Variants in EPHA3 observed in about 807,000 individuals in gnomAD.
EPHA3 encodes the protein EPH receptor A3, also known as ephrin type-A receptor 3.
Under a neutral mutation model 107.1 loss-of-function variants are expected in EPHA3, and 42 were observed. That is an observed-to-expected ratio of 0.39 (90% CI 0.31 to 0.51). The LOEUF is 0.51. Among genes scored for constraint, EPHA3 ranks in the 20% least tolerant of loss-of-function variants. The pLI, the probability that EPHA3 is intolerant of heterozygous loss-of-function variation, is 0.78. For synonymous variants in EPHA3, 461 were observed against 424.8 expected (o/e 1.09, Z -1.05); for missense variants, 1,183 against 1,211.2 (o/e 0.98, Z 0.35).
chr3:89,148,025 T>C (rs1372979120), intron 2 of EPHA3, among the ~76,000 whole-genome samples: 1 of 151,770 alleles, frequency 6.6e-6, no homozygotes, highest in Non-Finnish European at 1.5e-5. Context: ...TTGGGTGTAA[T>C]GATGTTATAT....
intron 2 of EPHA3, among the ~76,000 whole-genome samples, chr3:89,135,469 GAAT>G (rs1435390805): frequency 1.3e-5 from 2 of 152,138 alleles, no homozygotes; most frequent in African/African-American, 2.4e-5. Context: ...TCTAAAAAAT[GAAT>G]AATAAGAGCT....
chr3:89,140,816 C>T (rs1451419699), intron 2 of EPHA3, among the ~76,000 whole-genome samples: 2 of 151,668 alleles, frequency 1.3e-5, no homozygotes, highest in Admixed American at 6.6e-5. Context: ...ATCTTTAGTA[C>T]ACTGAAATTT....
chr3:89,219,686 A>ATGTGGTTTTTTT (rs746458955), intron 3 of EPHA3, among the ~76,000 whole-genome samples: 1 of 38,812 alleles, frequency 2.6e-5, no homozygotes, highest in East Asian at 8.8e-4. Flanking sequence ...GCATTTGGCA[A>ATGTGGTTTTTTT]TGTTTTTTTT....
At chr3:89,172,949 G>C (rs925833349) in intron 2 of EPHA3, among the ~76,000 whole-genome samples, 2 of 152,078 alleles carry the variant, frequency 1.3e-5, no homozygotes, top group Admixed American at 6.6e-5. Context: ...TCAGCTTTTT[G>C]AGTAATTTTC....
rs532043595 is a variant in EPHA3 at position 89,369,033 on chromosome 3, C to T, written c.1307-26804C>T. On this transcript the variant is annotated intron_variant, in intron 5 of 16. Coordinates refer to ENST00000336596, the MANE Select transcript of EPHA3 (RefSeq NM_005233.6). Reference sequence around the variant, plus strand: ...ACTCAAGTAATCTGACAGCTGTGCCCACATTCTTAGTCATCGTTTTCTCTG... The same window carrying T: ...ACTCAAGTAATCTGACAGCTGTGCCTACATTCTTAGTCATCGTTTTCTCTG... 2.5e-4 allele frequency among the ~76,000 whole-genome samples: 38 copies of T among 150,590 alleles called. 1 individual carries two copies. The South Asian group carries it at 6.5e-3, about 26-fold the overall frequency.
At chr3:89,145,451 C>A (rs765059923) in intron 2 of EPHA3, among the ~76,000 whole-genome samples, 107 of 151,644 alleles carry the variant, frequency 7.1e-4, no homozygotes, top group Admixed American at 5.3e-4. Context: ...TGAGCTAAAT[C>A]AATTCTTAGC....
intron 2 of EPHA3, among the ~76,000 whole-genome samples, chr3:89,175,764 T>A (rs915079410): frequency 2.0e-5 from 3 of 152,188 alleles, no homozygotes; most frequent in Non-Finnish European, 2.9e-5. Flanking sequence ...TTTTGGTTTC[T>A]GAACCATGCC....
At chr3:89,235,522 C>A (rs1488998381) in intron 3 of EPHA3, among the ~76,000 whole-genome samples, 2 of 151,940 alleles carry the variant, frequency 1.3e-5, no homozygotes, top group African/African-American at 4.8e-5. Context: ...TCTTGCCTTT[C>A]ATTTCTTCAT....
chr3:89,408,537 A>T (rs1709096951), intron 9 of EPHA3, among the ~76,000 whole-genome samples: 1 of 152,064 alleles, frequency 6.6e-6, no homozygotes, highest in East Asian at 1.9e-4. Context: ...GTTTATTTGA[A>T]GTGCCTTATC....
In EPHA3 at chr3:89,342,079, C is replaced by A. The variant is rs766046211; in HGVS notation, c.1295C>A (p.Thr432Asn). The change falls in exon 5 of 17, where the codon ACT (threonine) becomes AAT (asparagine). Residue 432 changes from threonine (T) to asparagine (N), a missense_variant. Thr to Asn is a moderately conservative substitution (Grantham distance 65). Coordinates refer to ENST00000336596, the MANE Select transcript of EPHA3 (RefSeq NM_005233.6). Reference sequence around the variant, plus strand: ...CAGTTTGCTGCGGTCAGCATCACAACTAATCAGGCTGGTGAGTACATACTA... The same window carrying A: ...CAGTTTGCTGCGGTCAGCATCACAAATAATCAGGCTGGTGAGTACATACTA... ...PRQFAAVSIT[T>N]NQAAPSPVLT... The A allele has an allele frequency of 6.2e-7, 1 of 1,609,308 alleles. No individual in the cohort carries two copies. Among genetic ancestry groups the A allele is most frequent in the Non-Finnish European group, 8.5e-7 (1 of 1,178,860 alleles).
intron 5 of EPHA3, among the ~76,000 whole-genome samples, chr3:89,380,186 A>G (rs1263552301): frequency 6.6e-6 from 1 of 152,208 alleles, no homozygotes; most frequent in Non-Finnish European, 1.5e-5. Context: ...TTGAAAACTC[A>G]TGAGTCATAT....
chr3:89,294,652 A>T (rs1173342714), intron 3 of EPHA3, among the ~76,000 whole-genome samples: 1 of 150,134 alleles, frequency 6.7e-6, no homozygotes, highest in Non-Finnish European at 1.5e-5. Context: ...CAGGCATTTT[A>T]GTTTTTATCT....
At chr3:89,423,136 T>A (rs554981445) in intron 11 of EPHA3, among the ~76,000 whole-genome samples, 1 of 151,634 alleles carries the variant, frequency 6.6e-6, no homozygotes. Flanking sequence ...GAAGGAATTA[T>A]ATTGGATGAG....
At chr3:89,266,242 C>T (rs1486769249) in intron 3 of EPHA3, among the ~76,000 whole-genome samples, 1 of 152,114 alleles carries the variant, frequency 6.6e-6, no homozygotes, top group Admixed American at 6.5e-5. Flanking sequence ...ACCTACAGTT[C>T]AAGTCACTAG....
At chr3:89,349,891 G>A (rs1707766883) in intron 5 of EPHA3, among the ~76,000 whole-genome samples, 1 of 146,534 alleles carries the variant, frequency 6.8e-6, no homozygotes, top group Non-Finnish European at 1.5e-5. Flanking sequence ...AGTTTGGCTG[G>A]ATATGAAATT....
intron 13 of EPHA3, 70 bp downstream of exon 13, chr3:89,431,429 G>C: frequency 7.3e-7 from 1 of 1,368,438 alleles, no homozygotes; most frequent in Non-Finnish European, 1.0e-6. Context: ...TTGTAAATAA[G>C]TAGAAATCAT....
At chr3:89,308,285 A>G (rs1387247450) in intron 3 of EPHA3, among the ~76,000 whole-genome samples, 1 of 152,222 alleles carries the variant, frequency 6.6e-6, no homozygotes, top group Non-Finnish European at 1.5e-5. Context: ...TGCATGATAC[A>G]AACAGTTTGA....
chr3:89,295,886 G>A (rs1015747355), intron 3 of EPHA3, among the ~76,000 whole-genome samples: 12 of 152,192 alleles, frequency 7.9e-5, no homozygotes, highest in South Asian at 2.1e-4. Flanking sequence ...CACCACACCC[G>A]ACCTCTTTGT....
chr3:89,176,141 A>T (rs967941628), intron 2 of EPHA3, among the ~76,000 whole-genome samples: 3 of 152,122 alleles, frequency 2.0e-5, no homozygotes, highest in African/African-American at 7.2e-5. Context: ...AGTATATGCC[A>T]CTGTAGAAAG....
Sources: allele counts gnomAD v4.1 joint callset (sites outside exome capture counted in the v4.1 genomes callset), GRCh38; gene constraint gnomAD v4.1.1; transcripts MANE v1.5; gene names NCBI Gene and HGNC (gene_info 2026-07-23, HGNC 2026-07-21).